Variants in CABLES2 observed in about 807,000 individuals in gnomAD.
The protein encoded by CABLES2 is Cdk5 and Abl enzyme substrate 2.
A neutral mutation model predicts 44.8 loss-of-function variants in CABLES2; 35 were observed. That is an observed-to-expected ratio of 0.78 (90% CI 0.60 to 1.04). The LOEUF is 1.04. Among genes scored for constraint, CABLES2 ranks in the 50% least tolerant of loss-of-function variants. The pLI, the probability that CABLES2 is intolerant of heterozygous loss-of-function variation, is 0.00. For missense variants in CABLES2, 566 were observed against 615.7 expected, an observed-to-expected ratio of 0.92 and a Z score of 0.85; for synonymous variants, 282 against 281.1, an observed-to-expected ratio of 1.00 and a Z score of -0.03.
Position 62,391,533 on chromosome 20 carries a change from G to A in CABLES2, c.1092-80C>T, listed in dbSNP as rs763314262. The A allele has an allele frequency of 4.8e-6, 7 of 1,444,270 alleles. No individual in the cohort carries two copies. The highest frequency in any genetic ancestry group is 5.8e-6 in the Non-Finnish European group (6 of 1,033,278). The allele number at this position is 1,444,270 out of a possible 1,614,324, so 89.5% of individuals were successfully genotyped here. Reference sequence around the variant, plus strand: ...GCAGCCCCCTGCCACCACCAACCGAGGCTGGAGCGATGTAGCTTTGGGCCG... The same window carrying A: ...GCAGCCCCCTGCCACCACCAACCGAAGCTGGAGCGATGTAGCTTTGGGCCG... On this transcript the variant is annotated intron_variant, in intron 8 of 9. Transcript: ENST00000279101. This position sits in a 1 kb window ranked among gnomAD's most constrained non-coding sequence, Gnocchi z 5.7.
chr20:62,391,254 T>C lies in CABLES2; in HGVS notation c.1291A>G (p.Ile431Val), dbSNP rs747757270. Residue 431 changes from isoleucine (I) to valine (V), a missense_variant, in exon 9 of 10, where the codon ATC (isoleucine) becomes GTC (valine). By Grantham distance (29) the Ile-to-Val change is conservative. Around this residue, in one of 2 missense-constraint regions of CABLES2, gnomAD observed 436 missense variants for 536.3 expected, o/e 0.81. Transcript: ENST00000279101. This position sits in a 1 kb window ranked among gnomAD's most constrained non-coding sequence, Gnocchi z 5.7. ...CTGCCGAGCCGGGCACTCACATCGA[T>C]GAGCTGCGTCACGCCGCTCTTGCGC... ...DLRKSGVTQL[I>V]DKLEERFRFN... The C allele has an allele frequency of 1.9e-6, 3 of 1,607,384 alleles. No individual in the cohort carries two copies. Among genetic ancestry groups the C allele is most frequent in the South Asian group, 2.2e-5 (2 of 91,016 alleles).
At chr20:62,398,282 GTGGTGA>G (rs1988119370) in intron 1 of CABLES2, among the ~76,000 whole-genome samples, 1 of 141,548 alleles carries the variant, frequency 7.1e-6, no homozygotes, top group Non-Finnish European at 1.5e-5. Flanking sequence ...GGTGGTGGTG[GTGGTGA>G]TGGTGGCGAT....
chr20:62,395,016 T>C lies in CABLES2; in HGVS notation c.528-2A>G. 1 of 1,612,612 alleles carries C rather than the reference T, an allele frequency of 6.2e-7. No homozygotes were observed. Among genetic ancestry groups the C allele is most frequent in the Non-Finnish European group, 8.5e-7 (1 of 1,179,712 alleles). On this transcript the variant is annotated splice_acceptor_variant, in intron 3 of 9. Coordinates refer to ENST00000279101, the MANE Select transcript of CABLES2 (RefSeq NM_031215.3). LOFTEE classifies it high-confidence loss of function. ...CGCTTGGCACAGATGAGCACGATCC[T>C]GCAGGGGGACGGAGTCAGGGGAGAC... is the stretch of plus-strand genomic sequence containing the variant.
rs1162599555 is a variant in CABLES2 at position 62,391,984 on chromosome 20, G to A, written c.1091+405C>T. ...CAATGTGAGAGCAGAGGCACACCTG[G>A]ACGGCCTTGGCGAGCACCCAGCATG... On this transcript the variant is annotated intron_variant, in intron 8 of 9. Transcript: ENST00000279101. This position sits in a 1 kb window ranked among gnomAD's most constrained non-coding sequence, Gnocchi z 5.7. 2.0e-5 allele frequency among the ~76,000 whole-genome samples: 3 copies of A among 152,098 alleles called. No homozygotes were observed. The highest frequency in any genetic ancestry group is 4.4e-5 in the Non-Finnish European group (3 of 68,008).
chr20:62,390,724 T>G lies in CABLES2; in HGVS notation c.*247A>C. On this transcript the variant is annotated 3_prime_UTR_variant, in exon 10 of 10. Coordinates refer to ENST00000279101, the MANE Select transcript of CABLES2 (RefSeq NM_031215.3). ...TACCAGTAACAAACCTCACATTTAG[T>G]TTATGTAAAAATGCAGGAGAATTCT... 1.9e-6 allele frequency: 1 copy of G among 538,214 alleles called. No individual in the cohort carries two copies. The highest frequency in any genetic ancestry group is 3.3e-6 in the Non-Finnish European group (1 of 299,806). The allele number at this position is 538,214 out of a possible 1,614,324, so 33.3% of individuals were successfully genotyped here.
chr20:62,398,052 ATGGCG>A (rs1988076282), intron 1 of CABLES2, among the ~76,000 whole-genome samples: 1 of 54,290 alleles, frequency 1.8e-5, no homozygotes, highest in Non-Finnish European at 4.0e-5. Flanking sequence ...GATGGTGGTG[ATGGCG>A]ATGGTGGTGG....
chr20:62,398,076 G>GTGGTGATGGTGATGGTGGTGATGGCGA, intron 1 of CABLES2, among the ~76,000 whole-genome samples: 1 of 39,026 alleles, frequency 2.6e-5, no homozygotes, highest in South Asian at 1.1e-3. Context: ...GGTGACGGTG[G>GTGGTGATGGTGATGGTGGTGATGGCGA]TGGTGGTGGT....
chr20:62,398,041 T>TGATGGTGGTGATGGC, intron 1 of CABLES2, among the ~76,000 whole-genome samples: 1 of 133,166 alleles, frequency 7.5e-6, no homozygotes, highest in Non-Finnish European at 1.6e-5. Context: ...ACAGTGATGG[T>TGATGGTGGTGATGGC]GATGGTGGTG....
At chr20:62,403,352 C>T (rs888640619) in intron 1 of CABLES2, 2 of 152,252 alleles carry the variant, frequency 1.3e-5, no homozygotes, top group African/African-American at 4.8e-5. Context: ...TAAGATGTCA[C>T]AGGTTAAGTC....
intron 6 of CABLES2, among the ~76,000 whole-genome samples, 173 bp downstream of exon 6, chr20:62,393,267 A>T (rs141792913): frequency 8.8e-4 from 134 of 152,378 alleles, no homozygotes; most frequent in Non-Finnish European, 1.6e-3. Flanking sequence ...GGCCAAGCCC[A>T]GGGATAGCGA....
chr20:62,401,372 G>A (rs1008194807), intron 1 of CABLES2, among the ~76,000 whole-genome samples: 3 of 152,232 alleles, frequency 2.0e-5, no homozygotes, highest in Non-Finnish European at 4.4e-5. Context: ...AACCAGGGCT[G>A]TTGCAACTCC....
At chr20:62,398,068 T>TGGTGATGGC (rs1569017457) in intron 1 of CABLES2, among the ~76,000 whole-genome samples, 9 of 50,826 alleles carry the variant, frequency 1.8e-4, no homozygotes, top group Non-Finnish European at 2.6e-4. Context: ...ATGGTGGTGG[T>TGGTGATGGC]GACGGTGGTG....
chr20:62,392,598 G>T, intron 7 of CABLES2, 103 bp from the exon 8 acceptor site: 1 of 874,528 alleles, frequency 1.1e-6, no homozygotes, highest in Non-Finnish European at 1.9e-6. Context: ...TTGCAAACAT[G>T]CATACGGTGT....
rs1356247329 is a variant in CABLES2, at chr20:62,391,476, T to C, written c.1092-23A>G. The C allele has an allele frequency of 1.2e-6, 2 of 1,609,456 alleles. No homozygotes were observed. Among genetic ancestry groups the C allele is most frequent in the African/African-American group, 1.3e-5 (1 of 75,014 alleles). On this transcript the variant is annotated intron_variant, in intron 8 of 9. Transcript: ENST00000279101. This position sits in a 1 kb window ranked among gnomAD's most constrained non-coding sequence, Gnocchi z 5.7. ...AAGCTGTGGGTTAAGACAGAAGCCA[T>C]GTCCCTGGGGGCTCTGGCTGGGGCT...
In CABLES2 at chr20:62,388,748, C is replaced by T. The variant is rs1987846684; in HGVS notation, c.*2223G>A. On this transcript the variant is annotated 3_prime_UTR_variant, in exon 10 of 10. Transcript: ENST00000279101. Reference sequence around the variant, plus strand: ...ACTTGCTTATGCACACTGACATCCACAACTGCTACCGGTGCGGAAGCAACG... The same window carrying T: ...ACTTGCTTATGCACACTGACATCCATAACTGCTACCGGTGCGGAAGCAACG... 4 of 514,700 alleles carry T rather than the reference C, an allele frequency of 7.8e-6. No homozygotes were observed. Among genetic ancestry groups the T allele is most frequent in the South Asian group, 6.5e-5 (3 of 46,352 alleles). The allele number at this position is 514,700 out of a possible 1,614,324, so 31.9% of individuals were successfully genotyped here.
rs1363326000 is a variant in CABLES2, at chr20:62,392,386, C to T, written c.1091+3G>A. 4 of 1,609,328 alleles carry T rather than the reference C, an allele frequency of 2.5e-6. No homozygotes were observed. The highest frequency in any genetic ancestry group is 1.7e-5 in the Admixed American group (1 of 59,980). ...ATGAGATGGTCTGAGAGGGTGTCCT[C>T]ACCTCCTGATTTTGCTCAGCGTCAG... On this transcript the variant is annotated splice_donor_region_variant and intron_variant, in intron 8 of 9. Coordinates refer to ENST00000279101, the MANE Select transcript of CABLES2 (RefSeq NM_031215.3).
chr20:62,405,833 T>C (rs932145818), intron 1 of CABLES2: 1 of 152,084 alleles, frequency 6.6e-6, no homozygotes, highest in Admixed American at 6.6e-5. Flanking sequence ...GTGGCTCCCT[T>C]TGAGAAGGAA....
chr20:62,398,071 CGGTGGT>C (rs71195454), intron 1 of CABLES2, among the ~76,000 whole-genome samples: 22,835 of 66,938 alleles, frequency 0.34, 3,861 homozygotes, highest in Middle Eastern at 0.47. Context: ...GTGGTGGTGA[CGGTGGT>C]GGTGGTGGTG....
chr20:62,388,730 T>A lies in CABLES2; in HGVS notation c.*2241A>T. ...AACATTCTGAGGTCTGATACTTGCT[T>A]ATGCACACTGACATCCACAACTGCT... On this transcript the variant is annotated 3_prime_UTR_variant, in exon 10 of 10. Coordinates refer to ENST00000279101, the MANE Select transcript of CABLES2 (RefSeq NM_031215.3). 1.8e-6 allele frequency: 1 copy of A among 543,922 alleles called. No homozygotes were observed. The highest frequency in any genetic ancestry group is 3.3e-6 in the Non-Finnish European group (1 of 306,168). The allele number at this position is 543,922 out of a possible 1,614,324, so 33.7% of individuals were successfully genotyped here. A position where few individuals can be genotyped will look rare whatever the true frequency, so the allele number is the denominator to read the frequency against.
Sources: gnomAD v4.1 joint callset for allele counts (sites outside exome capture counted in the v4.1 genomes callset) on GRCh38, gnomAD v4.1.1 for gene constraint, gnomAD v4.1.1 regional missense constraint, Gnocchi (gnomAD v3.1) non-coding constraint, MANE v1.5 for transcripts, NCBI Gene and HGNC (gene_info 2026-07-23, HGNC 2026-07-21) for gene names.